The following FAT3 variants were observed in gnomAD, a reference collection of about 807,000 sequenced individuals.
FAT3 encodes the protein protocadherin Fat 3.
A neutral mutation model predicts 310.2 loss-of-function variants in FAT3; 95 were observed. That is an observed-to-expected ratio of 0.31 (90% CI 0.26 to 0.36). FAT3 has a LOEUF of 0.36. Ranked by LOEUF, FAT3 falls within the 10% of genes least tolerant of loss-of-function variation. The pLI is 1.00. For synonymous variants in FAT3, 2,314 were observed against 2,192.9 expected, an observed-to-expected ratio of 1.06 and a Z score of -1.54; for missense variants, 5,408 against 5,715.6, an observed-to-expected ratio of 0.95 and a Z score of 1.74.
intron 2 of FAT3, among the ~76,000 whole-genome samples, chr11:92,467,964 T>C (rs1951811532): frequency 2.6e-5 from 4 of 152,204 alleles, no homozygotes. Context: ...AGTGAGCATA[T>C]GACATAGGAG....
At chr11:92,435,991 T>G (rs773832255) in intron 2 of FAT3, among the ~76,000 whole-genome samples, 16 of 152,346 alleles carry the variant, frequency 1.1e-4, no homozygotes, top group Admixed American at 2.6e-4. Flanking sequence ...TACTAACATA[T>G]ATACACATGA....
chr11:92,797,808 C>T (rs748042699), intron 9 of FAT3, 28 bp from the exon 10 acceptor site: 23 of 1,582,288 alleles, frequency 1.5e-5, no homozygotes, highest in Non-Finnish European at 2.0e-5. Flanking sequence ...ACATGTAACT[C>T]ATTTCACCAT....
chr11:92,465,091 C>T (rs1319356126), intron 2 of FAT3, among the ~76,000 whole-genome samples: 1 of 152,078 alleles, frequency 6.6e-6, no homozygotes, highest in East Asian at 1.9e-4. Flanking sequence ...ACGTGATATG[C>T]AGTTAGGGTA....
chr11:92,802,981 C>A (rs1167982841), intron 10 of FAT3, among the ~76,000 whole-genome samples: 1 of 152,028 alleles, frequency 6.6e-6, no homozygotes, highest in East Asian at 1.9e-4. Context: ...GGACTGTTCT[C>A]TTGGTGAAGT....
chr11:92,383,532 G>T (rs1315538452), intron 2 of FAT3, among the ~76,000 whole-genome samples: 1 of 152,164 alleles, frequency 6.6e-6, no homozygotes, highest in East Asian at 1.9e-4. Flanking sequence ...TGGCTAGAAG[G>T]CCATGACCTA....
chr11:92,618,625 C>T (rs1229579675), intron 3 of FAT3, among the ~76,000 whole-genome samples: 2 of 152,162 alleles, frequency 1.3e-5, no homozygotes, highest in African/African-American at 4.8e-5. Context: ...TGGAATGGCT[C>T]TTTAAATTTT....
At chr11:92,423,492 A>T (rs1477114856) in intron 2 of FAT3, among the ~76,000 whole-genome samples, 1 of 152,160 alleles carries the variant, frequency 6.6e-6, no homozygotes. Context: ...GTAATTTATC[A>T]TCCACGATGT....
chr11:92,770,065 C>T (rs899425930), intron 6 of FAT3, among the ~76,000 whole-genome samples: 2 of 152,252 alleles, frequency 1.3e-5, no homozygotes, highest in East Asian at 1.9e-4. Context: ...CATATTCATA[C>T]GTCATTTCTA....
intron 2 of FAT3, among the ~76,000 whole-genome samples, chr11:92,390,279 T>G (rs1949720195): frequency 6.6e-6 from 1 of 151,762 alleles, no homozygotes; most frequent in Non-Finnish European, 1.5e-5. Context: ...AAAAGGAGAG[T>G]TAGGTAGGAC....
chr11:92,831,513 A>G, intron 13 of FAT3, 109 bp from the exon 14 acceptor site: 1 of 887,768 alleles, frequency 1.1e-6, no homozygotes, highest in Non-Finnish European at 1.7e-6. Context: ...TTTCTGTAAT[A>G]ACTATTTTTC....
At chr11:92,806,181 G>C (rs1189085491) in intron 11 of FAT3, among the ~76,000 whole-genome samples, 181 bp from the exon 12 acceptor site, 1 of 152,174 alleles carries the variant, frequency 6.6e-6, no homozygotes, top group African/African-American at 2.4e-5. Context: ...CATGGGAGTG[G>C]AAGAGCAGCA....
intron 3 of FAT3, among the ~76,000 whole-genome samples, chr11:92,649,726 A>G (rs1352169411): frequency 6.6e-6 from 1 of 152,076 alleles, no homozygotes; most frequent in Non-Finnish European, 1.5e-5. Context: ...TTAAAGCCAG[A>G]TGGGTCTGCC....
chr11:92,326,336 T>C (rs1947763302), intron 1 of FAT3, among the ~76,000 whole-genome samples: 1 of 152,212 alleles, frequency 6.6e-6, no homozygotes. Context: ...TCCTGTACAA[T>C]ATTGCAGACT....
intron 2 of FAT3, among the ~76,000 whole-genome samples, chr11:92,412,750 T>TATATAC (rs1950319479): frequency 1.5e-5 from 1 of 66,978 alleles, no homozygotes; most frequent in Non-Finnish European, 2.8e-5. Flanking sequence ...TATATAAATA[T>TATATAC]ACATACATAT....
chr11:92,585,138 G>T (rs1423845849), intron 3 of FAT3, among the ~76,000 whole-genome samples: 1 of 152,032 alleles, frequency 6.6e-6, no homozygotes, highest in Non-Finnish European at 1.5e-5. Flanking sequence ...TAACCAAGAT[G>T]TCCCAGATTC....
intron 2 of FAT3, among the ~76,000 whole-genome samples, chr11:92,366,147 C>T (rs1949015691): frequency 6.6e-6 from 1 of 152,052 alleles, no homozygotes; most frequent in Non-Finnish European, 1.5e-5. Flanking sequence ...TCTTGCGTCT[C>T]CTTATTGGTC....
chr11:92,692,633 A>G (rs1224826610), intron 3 of FAT3, among the ~76,000 whole-genome samples: 8 of 152,192 alleles, frequency 5.3e-5, no homozygotes, highest in Admixed American at 4.6e-4. Flanking sequence ...AAGGTCCGAG[A>G]GGGCTTCACA....
At chr11:92,379,814 C>T (rs982748247) in intron 2 of FAT3, among the ~76,000 whole-genome samples, 1 of 152,100 alleles carries the variant, frequency 6.6e-6, no homozygotes, top group Non-Finnish European at 1.5e-5. Context: ...AGAACAGGGT[C>T]TTTGGAGTGG....
At chr11:92,314,191 T>G (rs1189057212) in intron 1 of FAT3, 1 of 441,640 alleles carries the variant, frequency 2.3e-6, no homozygotes, top group African/African-American at 2.1e-5. Flanking sequence ...GATTAGATAC[T>G]TGGTCCAATC....
Sources: allele counts gnomAD v4.1 joint callset (sites outside exome capture counted in the v4.1 genomes callset), GRCh38; gene constraint gnomAD v4.1.1; transcripts MANE v1.5; gene names NCBI Gene and HGNC (gene_info 2026-07-23, HGNC 2026-07-21).